The following IMPA2 variants were observed in gnomAD, a reference collection of about 807,000 sequenced individuals.
IMPA2 encodes the protein IMP 2.
Under a neutral mutation model 35.1 loss-of-function variants are expected in IMPA2, and 32 were observed. The observed-to-expected ratio is 0.91, with a 90% CI of 0.69 to 1.23. The LOEUF (loss-of-function observed/expected upper bound fraction) is 1.23, where lower values mean the gene tolerates loss of function less well. Among genes scored for constraint, IMPA2 ranks in the 50% most tolerant of loss-of-function variants. The pLI, the probability that IMPA2 is intolerant of heterozygous loss-of-function variation, is 0.00. For missense variants in IMPA2, 334 were observed against 387.6 expected (o/e 0.86, Z 1.16); for synonymous variants, 135 against 160.6 (o/e 0.84, Z 1.20).
chr18:12,028,305 G>A lies in IMPA2; in HGVS notation c.599+154G>A, dbSNP rs1017303655. 7 of 613,382 alleles carry A rather than the reference G, an allele frequency of 1.1e-5. No homozygotes were observed. The East Asian group carries it at 1.6e-4, about 14-fold the overall frequency. 38.0% of individuals were successfully genotyped at this position (613,382 alleles called of 1,614,324 possible). On this transcript the variant is annotated intron_variant, in intron 6 of 7. Coordinates refer to ENST00000269159, the MANE Select transcript of IMPA2 (RefSeq NM_014214.3). Reference sequence around the variant, plus strand: ...CAGACTCAGGGAAGCCCTGTGAGGGGCCCGCCTGCAGTAGATACTCCTATA... The same window carrying A: ...CAGACTCAGGGAAGCCCTGTGAGGGACCCGCCTGCAGTAGATACTCCTATA...
chr18:11,986,204 G>A (rs1190071777), intron 1 of IMPA2, among the ~76,000 whole-genome samples: 4 of 152,146 alleles, frequency 2.6e-5, no homozygotes, highest in African/African-American at 4.8e-5. Context: ...CCCGAGGCCC[G>A]GCCTTGCGAA....
chr18:11,983,858 GC>G (rs1200443800), intron 1 of IMPA2, among the ~76,000 whole-genome samples: 1 of 152,140 alleles, frequency 6.6e-6, no homozygotes, highest in Non-Finnish European at 1.5e-5. Flanking sequence ...GCAATCGGGG[GC>G]TGACTGGAGA....
In IMPA2 at chr18:12,010,966, C is replaced by T. The variant is rs1907417041; in HGVS notation, c.335+979C>T. ...GCCAGCAAATGTGTCACCAATCTCT[C>T]CTCTCATTTCAACTAAAGCATGATC... On this transcript the variant is annotated intron_variant, in intron 3 of 7. Coordinates refer to ENST00000269159, the MANE Select transcript of IMPA2 (RefSeq NM_014214.3). The surrounding 1 kb of genome is among the most constrained non-coding windows in gnomAD (Gnocchi z 4.8). Among the ~76,000 whole-genome samples the T allele has an allele frequency of 6.6e-6, 1 of 152,172 alleles. No individual in the cohort carries two copies. The highest frequency in any genetic ancestry group is 2.1e-4 in the South Asian group (1 of 4,834).
At chr18:12,018,269 G>A (rs1159562466) in intron 5 of IMPA2, 1 of 152,398 alleles carries the variant, frequency 6.6e-6, no homozygotes, top group Non-Finnish European at 1.5e-5. Flanking sequence ...AAAATAAAAA[G>A]ATAACCTTTG....
In IMPA2 at chr18:11,991,131, A is replaced by G. The variant is rs2143779659; in HGVS notation, c.97-7923A>G. ...TAGTGGGAGGGAGATGAGCCGCAGA[A>G]TGGTGGGGAGATAGGAGGAAAGCCA... On this transcript the variant is annotated intron_variant, in intron 1 of 7. Coordinates refer to ENST00000269159, the MANE Select transcript of IMPA2 (RefSeq NM_014214.3). This position sits in a 1 kb window ranked among gnomAD's most constrained non-coding sequence, Gnocchi z 4.1. Among the ~76,000 whole-genome samples, 1 of 152,242 alleles carries G rather than the reference A, an allele frequency of 6.6e-6. No individual in the cohort carries two copies. The highest frequency in any genetic ancestry group is 1.5e-5 in the Non-Finnish European group (1 of 67,998).
chr18:11,997,097 A>C (rs1161492359), intron 1 of IMPA2, among the ~76,000 whole-genome samples: 1 of 152,112 alleles, frequency 6.6e-6, no homozygotes, highest in Admixed American at 6.6e-5. Flanking sequence ...AGAGACACAC[A>C]CACATCAGGA....
chr18:11,984,819 T>C (rs1399514181), intron 1 of IMPA2, among the ~76,000 whole-genome samples: 1 of 151,170 alleles, frequency 6.6e-6, no homozygotes, highest in Non-Finnish European at 1.5e-5. Flanking sequence ...ATACAAAAAA[T>C]TAGCCGGGCG....
chr18:12,019,166 C>T (rs569690571), intron 5 of IMPA2, among the ~76,000 whole-genome samples: 13 of 152,036 alleles, frequency 8.6e-5, no homozygotes, highest in African/African-American at 2.2e-4. Flanking sequence ...CACATAGATA[C>T]GTAGTTTAAA....
At chr18:11,999,371 C>A (rs1381299340) in intron 2 of IMPA2, among the ~76,000 whole-genome samples, 184 bp downstream of exon 2, 5 of 152,218 alleles carry the variant, frequency 3.3e-5, no homozygotes, top group Non-Finnish European at 7.3e-5. Flanking sequence ...TGTTTTCATT[C>A]TTTTTACTGT....
At chr18:12,021,525 C>CT (rs562950943) in intron 5 of IMPA2, among the ~76,000 whole-genome samples, 54 of 151,966 alleles carry the variant, frequency 3.6e-4, no homozygotes, top group African/African-American at 1.3e-3. Context: ...GTACGTATTT[C>CT]TTTTTTCTTT....
chr18:12,004,577 C>G (rs1254322177), intron 2 of IMPA2, among the ~76,000 whole-genome samples: 2 of 150,276 alleles, frequency 1.3e-5, no homozygotes, highest in African/African-American at 4.9e-5. Flanking sequence ...GTAGCCCAGA[C>G]TGGAGTGCAG....
At chr18:11,993,478 A>G (rs746166172) in intron 1 of IMPA2, among the ~76,000 whole-genome samples, 7 of 152,158 alleles carry the variant, frequency 4.6e-5, no homozygotes, top group Non-Finnish European at 1.0e-4. Flanking sequence ...ATAGAGCCCT[A>G]TCTGGTGTAT....
chr18:12,017,579 AT>A, intron 5 of IMPA2: 1 of 427,450 alleles, frequency 2.3e-6, no homozygotes, highest in Non-Finnish European at 4.6e-6. Context: ...GGAAGTACGT[AT>A]TTTTTATTTG....
At chr18:12,027,908 A>T in intron 5 of IMPA2, 135 bp from the exon 6 acceptor site, 1 of 613,434 alleles carries the variant, frequency 1.6e-6, no homozygotes, top group Non-Finnish European at 2.9e-6. Context: ...CATAGATATC[A>T]AAAAAGCATT....
At chr18:11,982,899 T>G (rs1343231856) in intron 1 of IMPA2, among the ~76,000 whole-genome samples, 5 of 151,980 alleles carry the variant, frequency 3.3e-5, no homozygotes. Flanking sequence ...TTTTTTGAGG[T>G]CTGACAGTCC....
intron 2 of IMPA2, among the ~76,000 whole-genome samples, chr18:12,006,248 T>A (rs1345423992): frequency 3.3e-5 from 5 of 152,192 alleles, no homozygotes; most frequent in Non-Finnish European, 7.4e-5. Context: ...CTCCACCCCC[T>A]GCCCCGGCTG....
intron 2 of IMPA2, among the ~76,000 whole-genome samples, chr18:12,001,831 C>T (rs1166411347): frequency 6.6e-6 from 1 of 152,232 alleles, no homozygotes; most frequent in Non-Finnish European, 1.5e-5. Context: ...CAGACCCACA[C>T]ACCTGTCCAG....
intron 2 of IMPA2, among the ~76,000 whole-genome samples, chr18:12,000,416 T>C (rs1193496229): frequency 6.8e-6 from 1 of 146,486 alleles, no homozygotes; most frequent in Non-Finnish European, 1.5e-5. Flanking sequence ...TCTTTTTTTT[T>C]CCCGTCGTTT....
At chr18:12,005,047 A>G (rs1412831088) in intron 2 of IMPA2, among the ~76,000 whole-genome samples, 1 of 152,194 alleles carries the variant, frequency 6.6e-6, no homozygotes, top group Non-Finnish European at 1.5e-5. Context: ...CCAGGGAAGT[A>G]TTTTTGGTGC....
Sources: allele counts gnomAD v4.1 joint callset (sites outside exome capture counted in the v4.1 genomes callset), GRCh38; gene constraint gnomAD v4.1.1; non-coding constraint Gnocchi (gnomAD v3.1); transcripts MANE v1.5; gene names NCBI Gene and HGNC (gene_info 2026-07-23, HGNC 2026-07-21).